The following GALNT2 variants were observed in gnomAD, a reference collection of about 807,000 sequenced individuals.
The protein encoded by GALNT2 is polypeptide N-acetylgalactosaminyltransferase 2, also known as UDP-GalNAc:polypeptide N-acetylgalactosaminyltransferase 2.
A neutral mutation model predicts 81.4 loss-of-function variants in GALNT2; 31 were observed. The observed-to-expected ratio is 0.38, with a 90% CI of 0.29 to 0.51. GALNT2 has a LOEUF of 0.51. GALNT2 is among the 20% of genes least tolerant of loss of function. The pLI, the probability that GALNT2 is intolerant of heterozygous loss-of-function variation, is 0.87. For synonymous variants in GALNT2, 303 were observed against 287.4 expected, an observed-to-expected ratio of 1.05 and a Z score of -0.55; for missense variants, 629 against 765.7, an observed-to-expected ratio of 0.82 and a Z score of 2.11.
intron 1 of GALNT2, among the ~76,000 whole-genome samples, chr1:230,088,827 G>A (rs1184958237): frequency 2.0e-5 from 3 of 151,798 alleles, no homozygotes; most frequent in Admixed American, 6.6e-5. Flanking sequence ...GTGAGCCACC[G>A]CGCCCGGCCA....
Position 230,262,584 on chromosome 1 carries a change from G to A in GALNT2, c.1148G>A (p.Arg383Gln), listed in dbSNP as rs1453981251. The A allele has an allele frequency of 3.7e-6, 6 of 1,613,668 alleles. No homozygotes were observed. Among genetic ancestry groups the A allele is most frequent in the African/African-American group, 1.3e-5 (1 of 74,928 alleles). Residue 383 changes from arginine (R) to glutamine (Q), a missense_variant, in exon 12 of 16, where the codon CGG becomes CAG. Coordinates refer to ENST00000366672, the MANE Select transcript of GALNT2 (RefSeq NM_004481.5). ...TATTTTCTTTCTAGAAACACCCGCC[G>A]GGCAGCAGAGGTCTGGATGGATGAA... ...SGTVFARNTR[R>Q]AAEVWMDEYK... is the part of the protein sequence containing the mutation.
At chr1:230,258,388 C>A (rs1326094347) in intron 11 of GALNT2, among the ~76,000 whole-genome samples, 1 of 151,976 alleles carries the variant, frequency 6.6e-6, no homozygotes, top group Non-Finnish European at 1.5e-5. Context: ...CGCCACCACA[C>A]CCAGCTGATT....
At chr1:230,111,214 G>A (rs943671894) in intron 1 of GALNT2, among the ~76,000 whole-genome samples, 6 of 152,208 alleles carry the variant, frequency 3.9e-5, no homozygotes, top group South Asian at 2.1e-4. Context: ...GTACATGTGC[G>A]TACCATGCAT....
chr1:230,265,060 C>G (rs972634166), intron 13 of GALNT2, 181 bp from the exon 14 acceptor site: 5 of 661,536 alleles, frequency 7.6e-6, no homozygotes, highest in Non-Finnish European at 2.6e-6. Context: ...AAGTCCAGAG[C>G]CTGGGAGAAA....
At chr1:230,091,266 G>C (rs1231674364) in intron 1 of GALNT2, among the ~76,000 whole-genome samples, 2 of 151,668 alleles carry the variant, frequency 1.3e-5, no homozygotes, top group Non-Finnish European at 2.9e-5. Flanking sequence ...AGTAGAGACA[G>C]GGTTTCACCG....
chr1:230,252,293 A>G (rs1397112645), intron 10 of GALNT2, among the ~76,000 whole-genome samples: 2 of 152,188 alleles, frequency 1.3e-5, no homozygotes, highest in Admixed American at 1.3e-4. Context: ...AAGATCCAAA[A>G]CCACCTCCTC....
At chr1:230,095,481 C>T (rs1246988659) in intron 1 of GALNT2, among the ~76,000 whole-genome samples, 1 of 152,198 alleles carries the variant, frequency 6.6e-6, no homozygotes, top group African/African-American at 2.4e-5. Flanking sequence ...CAGGCCTGCT[C>T]TTAGCATCCC....
intron 1 of GALNT2, among the ~76,000 whole-genome samples, chr1:230,062,209 A>G (rs1659066076): frequency 6.6e-6 from 1 of 152,088 alleles, no homozygotes; most frequent in Admixed American, 6.6e-5. Flanking sequence ...GATCTTTACT[A>G]TGAATTGTCT....
intron 1 of GALNT2, among the ~76,000 whole-genome samples, chr1:230,148,584 T>C (rs759871881): frequency 9.2e-5 from 14 of 152,250 alleles, no homozygotes; most frequent in Admixed American, 7.2e-4. Context: ...TTTTCTTTTT[T>C]TTTCTTTCTT....
At chr1:230,242,976 C>G (rs1383494767) in intron 6 of GALNT2, among the ~76,000 whole-genome samples, 1 of 152,186 alleles carries the variant, frequency 6.6e-6, no homozygotes, top group Non-Finnish European at 1.5e-5. Context: ...TAGAAAACTG[C>G]TGCTGTGTCA....
chr1:230,106,584 G>A (rs1463900929), intron 1 of GALNT2, among the ~76,000 whole-genome samples: 1 of 152,244 alleles, frequency 6.6e-6, no homozygotes, highest in Non-Finnish European at 1.5e-5. Context: ...ATGGGAACAG[G>A]ATGATAGAAC....
At chr1:230,132,212 C>T (rs552532753) in intron 1 of GALNT2, among the ~76,000 whole-genome samples, 6 of 152,180 alleles carry the variant, frequency 3.9e-5, no homozygotes, top group Non-Finnish European at 7.3e-5. Flanking sequence ...GTAACTGTGG[C>T]GGTCAGCAAC....
intron 6 of GALNT2, among the ~76,000 whole-genome samples, chr1:230,241,210 A>G (rs1043529788): frequency 6.6e-6 from 1 of 152,060 alleles, no homozygotes; most frequent in African/African-American, 2.4e-5. Context: ...ACTTCTGATG[A>G]CTTTTTTTCT....
intron 4 of GALNT2, 93 bp from the exon 5 acceptor site, chr1:230,236,260 G>T: frequency 1.4e-6 from 2 of 1,415,100 alleles, no homozygotes; most frequent in East Asian, 2.3e-5. Flanking sequence ...CTCCAACCAA[G>T]GGTTAGGACC....
At chr1:230,157,316 G>A (rs1462788536) in intron 1 of GALNT2, among the ~76,000 whole-genome samples, 1 of 152,078 alleles carries the variant, frequency 6.6e-6, no homozygotes, top group East Asian at 1.9e-4. Flanking sequence ...GGCTTTGGGG[G>A]GAAAAAAAGC....
At chr1:230,122,241 C>T (rs1253087382) in intron 1 of GALNT2, among the ~76,000 whole-genome samples, 1 of 152,130 alleles carries the variant, frequency 6.6e-6, no homozygotes, top group African/African-American at 2.4e-5. Context: ...ATAACCAAAC[C>T]AAACTTGATT....
intron 1 of GALNT2, among the ~76,000 whole-genome samples, chr1:230,152,119 A>G (rs530887066): frequency 1.7e-4 from 26 of 152,218 alleles, no homozygotes; most frequent in Admixed American, 2.6e-4. Flanking sequence ...CTCCTATCTC[A>G]TCCTGTGACT....
intron 1 of GALNT2, among the ~76,000 whole-genome samples, chr1:230,120,780 C>G (rs1660992519): frequency 6.6e-6 from 1 of 152,202 alleles, no homozygotes; most frequent in South Asian, 2.1e-4. Flanking sequence ...TATCTTCTTT[C>G]CAGTGACTGT....
At chr1:230,109,137 C>T (rs1029670548) in intron 1 of GALNT2, among the ~76,000 whole-genome samples, 3 of 152,274 alleles carry the variant, frequency 2.0e-5, no homozygotes, top group Non-Finnish European at 4.4e-5. Flanking sequence ...CACCAGTAGC[C>T]TCCCCTGGGC....
Sources: allele counts gnomAD v4.1 joint callset (sites outside exome capture counted in the v4.1 genomes callset), GRCh38; gene constraint gnomAD v4.1.1; transcripts MANE v1.5; gene names NCBI Gene and HGNC (gene_info 2026-07-23, HGNC 2026-07-21).